Variants in PDS5A observed in about 807,000 individuals in gnomAD.
The protein encoded by PDS5A is PDS5 cohesin associated factor A, also known as sister chromatid cohesion protein PDS5 homolog A.
Under a neutral mutation model 167.1 loss-of-function variants are expected in PDS5A, and 42 were observed. The ratio of observed to expected loss-of-function variants is 0.25; its 90% CI spans 0.20 to 0.33. PDS5A has a LOEUF of 0.33. Among genes scored for constraint, PDS5A ranks in the 10% least tolerant of loss-of-function variants. The pLI is 1.00. For synonymous variants in PDS5A, 553 were observed against 554.6 expected (o/e 1.00, Z 0.04); for missense variants, 1,033 against 1,605.9 (o/e 0.64, Z 6.10).
chr4:39,874,142 T>C (rs974020290), intron 20 of PDS5A, 147 bp downstream of exon 20: 20 of 605,640 alleles, frequency 3.3e-5, no homozygotes, highest in Middle Eastern at 4.5e-4. Flanking sequence ...CCACATAAAA[T>C]AGACAGAATC....
At chr4:39,962,151 G>A (rs544215170) in intron 2 of PDS5A, among the ~76,000 whole-genome samples, 9 of 151,770 alleles carry the variant, frequency 5.9e-5, no homozygotes, top group Admixed American at 2.0e-4. Flanking sequence ...TCCGCCTCCC[G>A]GGTTCACGGC....
chr4:39,858,081 A>T (rs560297219), intron 26 of PDS5A, among the ~76,000 whole-genome samples: 3 of 152,318 alleles, frequency 2.0e-5, no homozygotes, highest in South Asian at 4.1e-4. Context: ...ATAAAATAAA[A>T]AATTAAAGGT....
intron 11 of PDS5A, 134 bp from the exon 12 acceptor site, chr4:39,904,325 A>C (rs1723127145): frequency 4.1e-6 from 2 of 485,976 alleles, no homozygotes; most frequent in Admixed American, 8.2e-5. Context: ...TCTCTTCAAA[A>C]GAGGCTTTAC....
chr4:39,844,703 A>G lies in PDS5A; in HGVS notation c.3501T>C (p.Asn1167=). ...GGTTCAGCTCTGAATTTACATTAATATTGCTTCCAGTCTCAGTGCCAGTGC... is the reference window on the plus strand; with the variant it reads ...GGTTCAGCTCTGAATTTACATTAATGTTGCTTCCAGTCTCAGTGCCAGTGC... ...VRSTGTETGS[N]INVNSELNPS... is the part of the protein sequence containing the mutation. The change falls in exon 30 of 33, where the codon AAT becomes AAC. Residue 1167 remains asparagine (N), a synonymous_variant. Coordinates refer to ENST00000303538, the MANE Select transcript of PDS5A (RefSeq NM_001100399.2). 1 of 1,613,200 alleles carries G rather than the reference A, an allele frequency of 6.2e-7. No homozygotes were observed. Among genetic ancestry groups the G allele is most frequent in the Non-Finnish European group, 8.5e-7 (1 of 1,179,632 alleles).
chr4:39,922,887 T>C lies in PDS5A; in HGVS notation c.528-139A>G, dbSNP rs551401338. The C allele has an allele frequency of 1.2e-4, 128 of 1,056,410 alleles. No individual in the cohort carries two copies. The African/African-American group carries it at 1.9e-3, about 16-fold the overall frequency. 65.4% of individuals were successfully genotyped at this position (1,056,410 alleles called of 1,614,324 possible). On this transcript the variant is annotated intron_variant, in intron 5 of 32. Transcript: ENST00000303538. The stretch of plus-strand genomic sequence containing the variant: ...ATTTTCACTTGAGGGACAGTGCCAA[T>C]AATGGCAGAGAAATTTTGGCTGCTC...
intron 31 of PDS5A, among the ~76,000 whole-genome samples, chr4:39,840,006 A>G (rs1435133347): frequency 6.6e-6 from 1 of 152,140 alleles, no homozygotes; most frequent in East Asian, 1.9e-4. Flanking sequence ...AGGCAGGAGA[A>G]TCGCTTGAAC....
rs137992599 is a variant in PDS5A at position 39,974,018 on chromosome 4, C to T, written c.138+2422G>A. On this transcript the variant is annotated intron_variant, in intron 2 of 32. Coordinates refer to ENST00000303538, the MANE Select transcript of PDS5A (RefSeq NM_001100399.2). ...GCGGGCGCCCGTGGTCCCAGCTACT[C>T]GGGAGGCTGAGGCAGGAGAATGGCG... The T allele has an allele frequency of 2.0e-5, 9 of 458,208 alleles. No homozygotes were observed. In the East Asian group the frequency reaches 3.5e-4, roughly 18 times the overall value. The allele number at this position is 458,208 out of a possible 1,614,324, so 28.4% of individuals were successfully genotyped here.
Position 39,958,859 on chromosome 4 carries a change from T to C in PDS5A, c.138+17581A>G, listed in dbSNP as rs75019775. On this transcript the variant is annotated intron_variant, in intron 2 of 32. Coordinates refer to ENST00000303538, the MANE Select transcript of PDS5A (RefSeq NM_001100399.2). Reference sequence around the variant, plus strand: ...CCTGGCCTCAAGTGATCCACCTGCCTTGGCCTCCTAAAGTGCCGGTATTAT... The same window carrying C: ...CCTGGCCTCAAGTGATCCACCTGCCCTGGCCTCCTAAAGTGCCGGTATTAT... Among the ~76,000 whole-genome samples the C allele has an allele frequency of 1.4e-4, 21 of 152,280 alleles. 1 individual carries two copies. The East Asian group carries it at 3.7e-3, about 27-fold the overall frequency.
At chr4:39,882,142 T>C (rs1005239610) in intron 17 of PDS5A, among the ~76,000 whole-genome samples, 2 of 152,114 alleles carry the variant, frequency 1.3e-5, no homozygotes, top group African/African-American at 4.8e-5. Flanking sequence ...AAAGAATAAA[T>C]AAATAAAACA....
chr4:39,884,669 T>G (rs923222088), intron 17 of PDS5A, among the ~76,000 whole-genome samples: 6 of 152,182 alleles, frequency 3.9e-5, no homozygotes, highest in Non-Finnish European at 7.4e-5. Flanking sequence ...TAACACTCTT[T>G]CCCAATTTTC....
chr4:39,900,583 T>A, intron 13 of PDS5A, 76 bp from the exon 14 acceptor site: 1 of 910,552 alleles, frequency 1.1e-6, no homozygotes, highest in South Asian at 1.4e-5. Flanking sequence ...CCTTTCTTGT[T>A]GCATGCTGTA....
intron 26 of PDS5A, 130 bp from the exon 27 acceptor site, chr4:39,849,782 A>T: frequency 1.7e-6 from 1 of 579,788 alleles, no homozygotes; most frequent in African/African-American, 1.9e-5. Context: ...TGACTAATAT[A>T]TGTTATTATC....
At chr4:39,833,454 T>C (rs888833887) in intron 32 of PDS5A, among the ~76,000 whole-genome samples, 2 of 152,096 alleles carry the variant, frequency 1.3e-5, no homozygotes, top group African/African-American at 2.4e-5. Flanking sequence ...AGTGGCATGA[T>C]CATGACTCAC....
intron 2 of PDS5A, among the ~76,000 whole-genome samples, chr4:39,954,587 C>T (rs111476957): frequency 3.5e-4 from 51 of 147,086 alleles, no homozygotes; most frequent in African/African-American, 1.2e-3. Flanking sequence ...TCTCAAAGTG[C>T]TGGGATTACA....
At chr4:39,944,572 T>C (rs1161903733) in intron 2 of PDS5A, among the ~76,000 whole-genome samples, 1 of 151,052 alleles carries the variant, frequency 6.6e-6, no homozygotes, top group East Asian at 2.0e-4. Context: ...TGCATGCCTG[T>C]AATACCAGCT....
chr4:39,957,576 G>A (rs989604730), intron 2 of PDS5A, among the ~76,000 whole-genome samples: 2 of 151,882 alleles, frequency 1.3e-5, no homozygotes, highest in African/African-American at 4.8e-5. Context: ...ACGAGGTCAG[G>A]AGATGGAGAC....
At chr4:39,867,792 T>C (rs957882524) in intron 22 of PDS5A, among the ~76,000 whole-genome samples, 4 of 149,912 alleles carry the variant, frequency 2.7e-5, no homozygotes, top group East Asian at 2.0e-4. Flanking sequence ...ACTGTACTGA[T>C]TGTGGTGACT....
intron 17 of PDS5A, among the ~76,000 whole-genome samples, chr4:39,886,457 T>TA: frequency 6.6e-6 from 1 of 152,308 alleles, no homozygotes; most frequent in South Asian, 2.1e-4. Flanking sequence ...CTCACACCTG[T>TA]AATTCCAGCA....
At chr4:39,881,318 G>A (rs1179501408) in intron 17 of PDS5A, among the ~76,000 whole-genome samples, 2 of 151,596 alleles carry the variant, frequency 1.3e-5, no homozygotes, top group Non-Finnish European at 2.9e-5. Context: ...CTAGTAGTGG[G>A]ATTGCTGGAT....
Sources: gnomAD v4.1 joint callset for allele counts (sites outside exome capture counted in the v4.1 genomes callset) on GRCh38, gnomAD v4.1.1 for gene constraint, MANE v1.5 for transcripts, NCBI Gene and HGNC (gene_info 2026-07-23, HGNC 2026-07-21) for gene names.